The following RPP40 variants were observed in gnomAD, a reference collection of about 807,000 sequenced individuals.
The protein encoded by RPP40 is ribonuclease P/MRP subunit p40, also known as ribonuclease P protein subunit p40.
Under a neutral mutation model 42.5 loss-of-function variants are expected in RPP40, and 30 were observed. The observed-to-expected ratio is 0.71, with a 90% CI of 0.53 to 0.96. The LOEUF is 0.96. Among genes scored for constraint, RPP40 ranks in the 40% least tolerant of loss-of-function variants. The pLI, the probability that RPP40 is intolerant of heterozygous loss-of-function variation, is 0.00. For synonymous variants in RPP40, 173 were observed against 164.0 expected, an observed-to-expected ratio of 1.05 and a Z score of -0.42; for missense variants, 426 against 433.5, an observed-to-expected ratio of 0.98 and a Z score of 0.15.
At chr6:4,990,886 C>T (rs1329277230), downstream of RPP40, among the ~76,000 whole-genome samples, 1 of 151,978 alleles carries the variant, frequency 6.6e-6, no homozygotes, top group Non-Finnish European at 1.5e-5. Context: ...GTAATTTGTG[C>T]CTTTCAAAGG....
At chr6:4,993,889 G>A (rs1311818326), downstream of RPP40, among the ~76,000 whole-genome samples, 1 of 151,988 alleles carries the variant, frequency 6.6e-6, no homozygotes, top group East Asian at 1.9e-4. Flanking sequence ...CACTTTATGA[G>A]GTCTCCTGTT....
downstream of RPP40, among the ~76,000 whole-genome samples, chr6:4,993,056 T>A (rs9405790): frequency 0.3 from 45,079 of 151,854 alleles, 7,193 homozygotes; most frequent in African/African-American, 0.43. Context: ...TCCTACACTA[T>A]GACTTTTATT....
intron 1 of RPP40, among the ~76,000 whole-genome samples, chr6:5,003,043 C>G (rs1296720707): frequency 6.6e-6 from 1 of 152,122 alleles, no homozygotes; most frequent in Non-Finnish European, 1.5e-5. Context: ...GTTCCAACAA[C>G]CAATTTAGAA....
intron 7 of RPP40, 43 bp downstream of exon 7, chr6:4,995,907 CT>C (rs750608153): frequency 6.3e-7 from 1 of 1,586,508 alleles, no homozygotes. Context: ...ACATACTGTT[CT>C]ATAGAGCACT....
rs554238313 is a variant in RPP40 at position 5,003,839 on chromosome 6, G to A, written c.123+41C>T. ...TCCCCAAACCTCTCTCGCACGCGGG[G>A]ACTGAGCACGGCCCGAAAAGCCGAG... On this transcript the variant is annotated intron_variant, in intron 1 of 7. Transcript: ENST00000380051. 10 of 1,586,866 alleles carry A rather than the reference G, an allele frequency of 6.3e-6. No homozygotes were observed. The South Asian group carries it at 1.0e-4, about 16-fold the overall frequency.
Position 4,999,889 on chromosome 6 carries a change from G to A in RPP40, c.353C>T (p.Ser118Leu). Residue 118 changes from serine to leucine, a missense_variant, in exon 4 of 8, where the codon TCA becomes TTA. Ser to Leu is a moderately radical substitution (Grantham distance 145, BLOSUM62 -2). Coordinates refer to ENST00000380051, the MANE Select transcript of RPP40 (RefSeq NM_006638.4). ...ALLPNGKLIL[S>L]LDKDTYEETG... ...TTCTTCATAAGTGTCTTTATCCAGT[G>A]ACAAAATTAATTTCCCTATAAATCA... 2 of 1,598,262 alleles carry A rather than the reference G, an allele frequency of 1.3e-6. No individual in the cohort carries two copies. The highest frequency in any genetic ancestry group is 1.7e-6 in the Non-Finnish European group (2 of 1,167,016).
chr6:5,002,157 T>C lies in RPP40; in HGVS notation c.212A>G (p.Asn71Ser), dbSNP rs1050335606. The C allele has an allele frequency of 1.2e-6, 2 of 1,611,374 alleles. No individual in the cohort carries two copies. Among genetic ancestry groups the C allele is most frequent in the African/African-American group, 2.7e-5 (2 of 74,956 alleles). Reference protein sequence around the residue: ...MNTGPYYFVKNLPLHELITPE... With the variant: ...MNTGPYYFVKSLPLHELITPE... ...TGTAATTAATTCATGAAGAGGTAAA[T>C]TCTTCACAAAGTAATAGGGTCCAGT... The change falls in exon 2 of 8, where the codon AAT becomes AGT. Residue 71 changes from asparagine to serine, a missense_variant. Physicochemically the swap from Asn to Ser is conservative, Grantham distance 46 (BLOSUM62 1). Transcript: ENST00000380051.
intron 5 of RPP40, 119 bp downstream of exon 5, chr6:4,998,597 T>C (rs1431379299): frequency 1.6e-6 from 1 of 635,358 alleles, no homozygotes; most frequent in Non-Finnish European, 2.5e-6. Context: ...TATTTTTATA[T>C]ATACGTATAG....
chr6:4,991,905 A>G (rs941118612), downstream of RPP40, among the ~76,000 whole-genome samples: 1 of 152,160 alleles, frequency 6.6e-6, no homozygotes, highest in African/African-American at 2.4e-5. Context: ...GTTGTTTAAA[A>G]GTGTGTGGTA....
intron 6 of RPP40, 31 bp downstream of exon 6, chr6:4,996,191 C>T: frequency 6.2e-7 from 1 of 1,610,500 alleles, no homozygotes; most frequent in African/African-American, 1.3e-5. Flanking sequence ...AGGCCAGAGC[C>T]CTGGAAGACA....
chr6:4,990,261 T>C (rs1046546052), downstream of RPP40, among the ~76,000 whole-genome samples: 1 of 152,224 alleles, frequency 6.6e-6, no homozygotes, highest in Non-Finnish European at 1.5e-5. Context: ...CCTACACTCC[T>C]TGGATATTCC....
At chr6:5,001,040 T>C (rs34953365) in intron 2 of RPP40, 19,405 of 459,400 alleles carry the variant, frequency 0.042, 551 homozygotes, top group Middle Eastern at 0.12. Flanking sequence ...CAACAGCCTA[T>C]TTGTGCAAGT....
intron 5 of RPP40, among the ~76,000 whole-genome samples, chr6:4,997,918 T>C (rs989182761): frequency 6.6e-6 from 1 of 152,238 alleles, no homozygotes; most frequent in African/African-American, 2.4e-5. Flanking sequence ...ATCCAACGTC[T>C]GGATGATCTG....
chr6:4,990,599 T>A (rs1158279265), downstream of RPP40, among the ~76,000 whole-genome samples: 2 of 151,816 alleles, frequency 1.3e-5, no homozygotes, highest in East Asian at 3.9e-4. Flanking sequence ...TCATCCTGCC[T>A]CAGCCTCTCA....
intron 2 of RPP40, 111 bp downstream of exon 2, chr6:5,001,990 G>C: frequency 1.1e-6 from 1 of 928,478 alleles, no homozygotes; most frequent in Non-Finnish European, 1.6e-6. Flanking sequence ...TGACCACACA[G>C]ACTATACCAC....
chr6:4,991,236 T>A (rs1409821258), downstream of RPP40, among the ~76,000 whole-genome samples: 1 of 152,214 alleles, frequency 6.6e-6, no homozygotes, highest in Non-Finnish European at 1.5e-5. Flanking sequence ...CTAATTTAAT[T>A]CCGTTGTGGC....
Position 4,996,368 on chromosome 6 carries a change from C to T in RPP40, c.612G>A (p.Glu204=). 1.2e-6 allele frequency: 2 copies of T among 1,614,002 alleles called. No homozygotes were observed. Among genetic ancestry groups the T allele is most frequent in the Non-Finnish European group, 1.7e-6 (2 of 1,180,040 alleles). The change falls in exon 6 of 8, where the codon GAG becomes GAA. Residue 204 remains glutamate, a synonymous_variant. Coordinates refer to ENST00000380051, the MANE Select transcript of RPP40 (RefSeq NM_006638.4). ...MSYFSKYQIQ[E]HQPKVALSTL... ...TGCTCAGTGCTACTTTTGGCTGATG[C>T]TCCTGAATTTGGTACTTGGAAAAAT...
rs1759570414 is a variant in RPP40, at chr6:5,001,910, C to T, written c.268+191G>A. ...TCCAACACTTGTGGCCAATTGCAAT[C>T]AGAAACCACCACCTAAAGAGGGTAC... On this transcript the variant is annotated intron_variant, in intron 2 of 7. Transcript: ENST00000380051. 3.4e-5 allele frequency: 18 copies of T among 532,264 alleles called. No homozygotes were observed. The East Asian group carries it at 5.1e-4, about 15-fold the overall frequency. The allele number at this position is 532,264 out of a possible 1,614,324, so 33.0% of individuals were successfully genotyped here.
At chr6:4,999,339 G>A (rs1038101634) in intron 4 of RPP40, among the ~76,000 whole-genome samples, 6 of 117,988 alleles carry the variant, frequency 5.1e-5, no homozygotes, top group African/African-American at 1.3e-4. Flanking sequence ...TCACTCTGTC[G>A]CCAGGCTGAA....
Sources: allele counts gnomAD v4.1 joint callset (sites outside exome capture counted in the v4.1 genomes callset), GRCh38; gene constraint gnomAD v4.1.1; transcripts MANE v1.5; gene names NCBI Gene and HGNC (gene_info 2026-07-23, HGNC 2026-07-21).